GEN1: variants seen among roughly 807,000 people sequenced by gnomAD.
GEN1 encodes the protein GEN1 structure-specific endonuclease.
Under a neutral mutation model 67.6 loss-of-function variants are expected in GEN1, and 64 were observed. The observed-to-expected ratio is 0.95, with a 90% confidence interval of 0.77 to 1.17. The LOEUF (loss-of-function observed/expected upper bound fraction) is 1.17. Ranked by LOEUF, GEN1 falls within the 50% of genes most tolerant of loss-of-function variation. GEN1 has a pLI of 0.00. For missense variants in GEN1, 1,058 were observed against 1,048.3 expected, an observed-to-expected ratio of 1.01 and a Z score of -0.13; for synonymous variants, 371 against 359.4, an observed-to-expected ratio of 1.03 and a Z score of -0.37.
In GEN1 at chr2:17,784,050, A is replaced by T. The variant is rs1672964258; in HGVS notation, c.*2111A>T. The T allele has an allele frequency of 6.6e-6, 1 of 152,254 alleles. No homozygotes were observed. The highest frequency in any genetic ancestry group is 1.5e-5 in the Non-Finnish European group (1 of 68,034). 9.4% of individuals were successfully genotyped at this position (152,254 alleles called of 1,614,324 possible). On this transcript the variant is annotated 3_prime_UTR_variant, in exon 14 of 14. Transcript: ENST00000381254. ...AAATGACACCATCAAGAAAGTGAAA[A>T]GACAGCTTACAGAATGGGAGAAAAT...
chr2:17,768,344 T>C (rs1426601596), intron 5 of GEN1, among the ~76,000 whole-genome samples: 1 of 152,250 alleles, frequency 6.6e-6, no homozygotes, highest in African/African-American at 2.4e-5. Flanking sequence ...AATGTTCATG[T>C]AATTAAATGA....
In GEN1 at chr2:17,781,460, G is replaced by C. The variant is rs1047211166; in HGVS notation, c.2248G>C (p.Val750Leu). 1 of 1,613,508 alleles carries C rather than the reference G, an allele frequency of 6.2e-7. No individual in the cohort carries two copies. Among genetic ancestry groups the C allele is most frequent in the African/African-American group, 1.3e-5 (1 of 75,038 alleles). Residue 750 changes from valine (V) to leucine (L), a missense_variant, in exon 14 of 14, where the codon GTC becomes CTC. Physicochemically the swap from Val to Leu is conservative, Grantham distance 32 (BLOSUM62 1). Transcript: ENST00000381254. ...CCAGCTGCTTCAAGAAGACTATAAA[G>C]TCAATACTTCTGTCCCTTATTCTGT... ...GDQLLQEDYKVNTSVPYSVSN... is the reference protein window; with the variant it reads ...GDQLLQEDYKLNTSVPYSVSN...
intron 8 of GEN1, 22 bp downstream of exon 8, chr2:17,772,806 T>C (rs1279868141): frequency 6.3e-7 from 1 of 1,579,620 alleles, no homozygotes; most frequent in Admixed American, 1.7e-5. Flanking sequence ...TAAAAACTCA[T>C]GATTTTTCCT....
Position 17,784,413 on chromosome 2 carries a change from A to G in GEN1, c.*2474A>G, listed in dbSNP as rs1391178243. The G allele has an allele frequency of 6.6e-6, 1 of 152,250 alleles. No homozygotes were observed. Among genetic ancestry groups the G allele is most frequent in the Non-Finnish European group, 1.5e-5 (1 of 68,042 alleles). The allele number at this position is 152,250 out of a possible 1,614,324, so 9.4% of individuals were successfully genotyped here. ...TGGAAAAAGTCTGGTAGTTCTTCAA[A>G]TGGTTAAATGTAGAGTTACGATATG... On this transcript the variant is annotated 3_prime_UTR_variant, in exon 14 of 14. Coordinates refer to ENST00000381254, the MANE Select transcript of GEN1 (RefSeq NM_001130009.3).
At chr2:17,774,483 C>T (rs944113861) in intron 11 of GEN1, 82 bp downstream of exon 11, 60 of 1,196,860 alleles carry the variant, frequency 5.0e-5, no homozygotes, top group Non-Finnish European at 5.3e-5. Context: ...TCTTTAAGCT[C>T]GTTTTTGTAA....
chr2:17,758,292 A>G (rs1466664758), intron 1 of GEN1, among the ~76,000 whole-genome samples: 2 of 152,220 alleles, frequency 1.3e-5, no homozygotes, highest in Non-Finnish European at 2.9e-5. Flanking sequence ...TTTAAATTAA[A>G]TTAGAACAAA....
Position 17,785,961 on chromosome 2 carries a change from ACTTT to A in GEN1, c.*4023_*4026del, listed in dbSNP as rs1305243750. On this transcript the variant is annotated 3_prime_UTR_variant, in exon 14 of 14. Transcript: ENST00000381254. ...TTCTAGATTTTATAATGAGGACTCT[ACTTT>A]TTCCTTTTGGGTAGCATGGCTTGAG... 1 of 152,192 alleles carries A rather than the reference ACTTT, an allele frequency of 6.6e-6. No homozygotes were observed. The highest frequency in any genetic ancestry group is 1.5e-5 in the Non-Finnish European group (1 of 68,042). The allele number at this position is 152,192 out of a possible 1,614,324, so 9.4% of individuals were successfully genotyped here. A position where few individuals can be genotyped will look rare whatever the true frequency, so the allele number is the denominator to read the frequency against.
chr2:17,776,614 A>G (rs1672445912), intron 11 of GEN1, among the ~76,000 whole-genome samples: 1 of 152,240 alleles, frequency 6.6e-6, no homozygotes, highest in Admixed American at 6.5e-5. Context: ...ATTTTTCAGA[A>G]TAAACAGTTT....
chr2:17,772,944 T>C lies in GEN1; in HGVS notation c.954-152T>C, dbSNP rs568481999. ...TCAAAAATTTAGCTAACCTAGGAGATAGTAATGTAATAGTTATTCAAAGGG... is the reference window on the plus strand; with the variant it reads ...TCAAAAATTTAGCTAACCTAGGAGACAGTAATGTAATAGTTATTCAAAGGG... On this transcript the variant is annotated intron_variant, in intron 8 of 13. Coordinates refer to ENST00000381254, the MANE Select transcript of GEN1 (RefSeq NM_001130009.3). 7 of 793,974 alleles carry C rather than the reference T, an allele frequency of 8.8e-6. No homozygotes were observed. The African/African-American group carries it at 1.2e-4, about 14-fold the overall frequency. 49.2% of individuals were successfully genotyped at this position (793,974 alleles called of 1,614,324 possible).
At position 17,774,272 on chromosome 2, in the gene GEN1, G is replaced by A; in HGVS notation, c.1073G>A (p.Arg358Lys). 1 of 1,534,380 alleles carries A rather than the reference G, an allele frequency of 6.5e-7. No individual in the cohort carries two copies. The highest frequency in any genetic ancestry group is 8.9e-7 in the Non-Finnish European group (1 of 1,126,944). Residue 358 changes from arginine (R) to lysine (K), a missense_variant and splice_region_variant, in exon 11 of 14, where the codon AGA (arginine) becomes AAA (lysine). By Grantham distance (26) the Arg-to-Lys change is conservative. Coordinates refer to ENST00000381254, the MANE Select transcript of GEN1 (RefSeq NM_001130009.3). ...GTTTTATTTTTATTATATTTATAGA[G>A]ATTTACTCTTGAAAAAATGGAGTGG... is the stretch of plus-strand genomic sequence containing the variant. ...YQRPDLLLFQ[R>K]FTLEKMEWPN...
chr2:17,782,814 G>C lies in GEN1; in HGVS notation c.*875G>C, dbSNP rs1672907425. 1 of 151,672 alleles carries C rather than the reference G, an allele frequency of 6.6e-6. No homozygotes were observed. The allele number at this position is 151,672 out of a possible 1,614,324, so 9.4% of individuals were successfully genotyped here. ...CTTCTATAGCACTTTTCCCCCTTTT[G>C]TTTTGAATCTATGCAATATTGACTT... On this transcript the variant is annotated 3_prime_UTR_variant, in exon 14 of 14. Coordinates refer to ENST00000381254, the MANE Select transcript of GEN1 (RefSeq NM_001130009.3).
chr2:17,787,165 T>C lies in GEN1; in HGVS notation c.*5226T>C, dbSNP rs1400898917. 6.6e-6 allele frequency: 1 copy of C among 152,236 alleles called. No individual in the cohort carries two copies. Among genetic ancestry groups the C allele is most frequent in the African/African-American group, 2.4e-5 (1 of 41,464 alleles). 9.4% of individuals were successfully genotyped at this position (152,236 alleles called of 1,614,324 possible). ...CATAACTTTATAATCCCAAGCAGAA[T>C]TATTTGCTCTATACGTGTCCCCAAA... On this transcript the variant is annotated 3_prime_UTR_variant, in exon 14 of 14. Transcript: ENST00000381254.
In GEN1 at chr2:17,761,360, T is replaced by A. The variant is rs10178519; in HGVS notation, c.162-36T>A. 0.012 allele frequency: 14,387 copies of A among 1,174,536 alleles called. 514 individuals are homozygous for A. Among genetic ancestry groups the A allele is most frequent in the African/African-American group, 0.11 (7,210 of 64,226 alleles). The allele number at this position is 1,174,536 out of a possible 1,614,324, so 72.8% of individuals were successfully genotyped here. On this transcript the variant is annotated intron_variant, in intron 2 of 13. Transcript: ENST00000381254. The stretch of plus-strand genomic sequence containing the variant: ...CTATTTTGACTTTTACTATCAGTGT[T>A]TGATGATTAATGTATTACTAATTTA...
intron 12 of GEN1, 136 bp downstream of exon 12, chr2:17,778,199 T>G (rs201314104): frequency 5.6e-4 from 68 of 120,844 alleles, no homozygotes; most frequent in African/African-American, 2.3e-3. Flanking sequence ...CACACACACA[T>G]ATATGTGTAT....
intron 12 of GEN1, among the ~76,000 whole-genome samples, chr2:17,778,382 A>G (rs71447300): frequency 0.3 from 11,479 of 38,352 alleles, 4,099 homozygotes; most frequent in South Asian, 0.38. Context: ...ACACACATAT[A>G]TGTGTGTACA....
At chr2:17,778,357 CATATATGTATATACACACACATATATGT>C (rs1672630209) in intron 12 of GEN1, among the ~76,000 whole-genome samples, 12 of 46,210 alleles carry the variant, frequency 2.6e-4, no homozygotes, top group African/African-American at 8.1e-4. Context: ...CATGTGTGTA[CATATATGTATATACACACACATATATGT>C]GTGTACATAT....
chr2:17,778,314 A>G (rs1490290913), intron 12 of GEN1, among the ~76,000 whole-genome samples: 2 of 36,766 alleles, frequency 5.4e-5, no homozygotes, highest in African/African-American at 1.1e-4. Context: ...ATATGTATAT[A>G]CACACACACG....
At chr2:17,775,954 A>G (rs1558406758) in intron 11 of GEN1, among the ~76,000 whole-genome samples, 1 of 151,970 alleles carries the variant, frequency 6.6e-6, no homozygotes, top group African/African-American at 2.4e-5. Flanking sequence ...ATCTCTTCCA[A>G]AAATACAAAA....
At chr2:17,770,937 T>A (rs981167859) in intron 6 of GEN1, 4 of 374,454 alleles carry the variant, frequency 1.1e-5, no homozygotes, top group South Asian at 2.5e-5. Context: ...CAATTTTTTT[T>A]AATAGAGATA....
Sources: gnomAD v4.1 joint callset for allele counts (sites outside exome capture counted in the v4.1 genomes callset) on GRCh38, gnomAD v4.1.1 for gene constraint, MANE v1.5 for transcripts, NCBI Gene and HGNC (gene_info 2026-07-23, HGNC 2026-07-21) for gene names.